The following COL4A5 variants were observed in gnomAD, a reference collection of about 807,000 sequenced individuals.
The protein encoded by COL4A5 is collagen type IV alpha 5 chain, also known as collagen alpha-5(IV) chain.
COL4A5 carries 26 observed loss-of-function variants against 130.2 expected under a neutral mutation model. That is an observed-to-expected ratio of 0.20 (90% CI 0.15 to 0.28). The LOEUF (loss-of-function observed/expected upper bound fraction) is 0.28, where lower values mean the gene tolerates loss of function less well. Among genes scored for constraint, COL4A5 ranks in the 10% least tolerant of loss-of-function variants. COL4A5 has a pLI of 1.00. For synonymous variants in COL4A5, 496 were observed against 439.6 expected (o/e 1.13, Z -1.60); for missense variants, 1,131 against 1,344.3 (o/e 0.84, Z 2.48).
At chrX:108,547,491 C>T (rs911353512) in intron 2 of COL4A5, among the ~76,000 whole-genome samples, 5 of 111,564 alleles carry the variant, frequency 4.5e-5, no homozygotes, top group South Asian at 3.8e-4. Flanking sequence ...GAGGGGTACC[C>T]GGCCGTGTGA....
At chrX:108,582,648 G>C (rs375290933) in intron 16 of COL4A5, 1 of 388,994 alleles carries the variant, frequency 2.6e-6, no homozygotes, top group African/African-American at 2.6e-5. Context: ...GGTAGGAATA[G>C]AGCAAGTTAA....
chrX:108,455,525 C>A (rs961892427), intron 1 of COL4A5, among the ~76,000 whole-genome samples: 8 of 112,203 alleles, frequency 7.1e-5, no homozygotes, highest in Non-Finnish European at 1.5e-4. Flanking sequence ...TAACTACCAA[C>A]CAAGTGAAGA....
At chrX:108,576,713 A>G (rs181121402) in intron 10 of COL4A5, among the ~76,000 whole-genome samples, 1 of 111,933 alleles carries the variant, frequency 8.9e-6, no homozygotes, top group Admixed American at 9.5e-5. Context: ...TTTTCATTAT[A>G]CCTTTATAGG....
At chrX:108,621,132 T>C in intron 31 of COL4A5, among the ~76,000 whole-genome samples, 1 of 101,437 alleles carries the variant, frequency 9.9e-6, no homozygotes, top group African/African-American at 3.9e-5. Context: ...TTCCTCTCTT[T>C]CTTTCTCTCT....
chrX:108,670,419 GACCCAAAATT>G (rs1429562410), intron 42 of COL4A5, 183 bp downstream of exon 42: 1 of 427,252 alleles, frequency 2.3e-6, no homozygotes, highest in African/African-American at 2.7e-5. Flanking sequence ...CTATTGGAAA[GACCCAAAATT>G]ACCTAACTAG....
chrX:108,556,079 G>A (rs932936411), intron 2 of COL4A5, among the ~76,000 whole-genome samples: 2 of 111,467 alleles, frequency 1.8e-5, no homozygotes, highest in African/African-American at 6.5e-5. Flanking sequence ...TTCTGGCTGG[G>A]GTAGTTGGGT....
At chrX:108,655,538 G>T in intron 37 of COL4A5, 81 bp downstream of exon 37, 11 of 1,075,935 alleles carry the variant, frequency 1.0e-5, no homozygotes, top group Non-Finnish European at 1.3e-5. Flanking sequence ...TTCTTATTTG[G>T]CAGACTTATA....
intron 49 of COL4A5, among the ~76,000 whole-genome samples, chrX:108,690,780 T>C (rs758125744): frequency 6.3e-5 from 7 of 111,422 alleles, no homozygotes; most frequent in Non-Finnish European, 1.3e-4. Flanking sequence ...TTGCTAAAGA[T>C]ACAATTACCG....
chrX:108,687,402 G>A (rs894907759), intron 48 of COL4A5, 80 bp from the exon 49 acceptor site: 2 of 823,320 alleles, frequency 2.4e-6, no homozygotes, highest in Admixed American at 2.2e-5. Context: ...AGTCAAATGA[G>A]GTCATAATGT....
chrX:108,642,691 G>A (rs1200791634), intron 36 of COL4A5, among the ~76,000 whole-genome samples: 3 of 109,508 alleles, frequency 2.7e-5, no homozygotes, highest in African/African-American at 1.0e-4. Flanking sequence ...AAGGGGGAGA[G>A]TACTACATCA....
Position 108,569,961 on chromosome X carries a change from C to T in COL4A5, c.384+1140C>T, listed in dbSNP as rs189125658. On this transcript the variant is annotated intron_variant, in intron 6 of 52. Coordinates refer to ENST00000328300, the MANE Select transcript of COL4A5 (RefSeq NM_033380.3). ...TCTCAAAGTGCTGGGATTACAGGTG[C>T]GAGCCACCGCGCCCGGCCAGATCTT... is the stretch of plus-strand genomic sequence containing the variant. Among the ~76,000 whole-genome samples, 17 of 111,377 alleles carry T rather than the reference C, an allele frequency of 1.5e-4. No homozygotes were observed. The Admixed American group carries it at 1.6e-3, about 11-fold the overall frequency.
At chrX:108,591,352 C>A in intron 20 of COL4A5, 121 bp downstream of exon 20, 2 of 735,959 alleles carry the variant, frequency 2.7e-6, no homozygotes, top group Non-Finnish European at 4.0e-6. Flanking sequence ...AATTCTACCA[C>A]TGCTTCTGCT....
intron 49 of COL4A5, chrX:108,689,951 G>T: frequency 1.3e-6 from 1 of 754,045 alleles, no homozygotes; most frequent in Non-Finnish European, 1.6e-6. Context: ...GCAGCCACAG[G>T]TGCAACCAGA....
chrX:108,586,499 CAT>C lies in COL4A5; in HGVS notation c.1033-114_1033-113del, dbSNP rs2066337200. 5 of 720,135 alleles carry C rather than the reference CAT, an allele frequency of 6.9e-6. No homozygotes were observed. The East Asian group carries it at 1.3e-4, about 19-fold the overall frequency. 59.3% of individuals were successfully genotyped at this position (720,135 alleles called of 1,213,427 possible). On this transcript the variant is annotated intron_variant, in intron 18 of 52. Transcript: ENST00000328300. ...GATGGGAGTGATACAAAATGTGACTCATAAACTATGTGAAAATGATGACATTG... is the reference window on the plus strand; with the variant it reads ...GATGGGAGTGATACAAAATGTGACTCAAACTATGTGAAAATGATGACATTG...
At chrX:108,543,020 A>G (rs2065574706) in intron 2 of COL4A5, among the ~76,000 whole-genome samples, 1 of 111,166 alleles carries the variant, frequency 9.0e-6, no homozygotes, top group Admixed American at 9.6e-5. Flanking sequence ...CCTTTGTCAG[A>G]TAATAGGTTG....
intron 37 of COL4A5, among the ~76,000 whole-genome samples, chrX:108,659,984 C>T (rs914201578): frequency 3.6e-5 from 4 of 110,663 alleles, no homozygotes; most frequent in Non-Finnish European, 5.7e-5. Context: ...ATCAGATATG[C>T]TGTGGTATTC....
At chrX:108,651,050 T>A (rs759090076) in intron 36 of COL4A5, among the ~76,000 whole-genome samples, 193 of 111,881 alleles carry the variant, frequency 1.7e-3, no homozygotes, top group Middle Eastern at 4.6e-3. Context: ...CTTGAAAACA[T>A]TATGCTAAGT....
At chrX:108,568,538 T>C (rs1223595621) in intron 4 of COL4A5, 91 bp from the exon 5 acceptor site, 1 of 652,051 alleles carries the variant, frequency 1.5e-6, no homozygotes, top group Non-Finnish European at 2.5e-6. Flanking sequence ...CCAAATCTAT[T>C]CTAAAATAAT....
At chrX:108,464,529 TTTAAA>T (rs2064684233) in intron 1 of COL4A5, among the ~76,000 whole-genome samples, 1 of 112,099 alleles carries the variant, frequency 8.9e-6, no homozygotes, top group Non-Finnish European at 1.9e-5. Flanking sequence ...TTCTTAAGAT[TTTAAA>T]TTAAGTTATT....
Sources: allele counts gnomAD v4.1 joint callset (sites outside exome capture counted in the v4.1 genomes callset), GRCh38; gene constraint gnomAD v4.1.1; transcripts MANE v1.5; gene names NCBI Gene and HGNC (gene_info 2026-07-23, HGNC 2026-07-21).